PDE4D: variants seen among roughly 807,000 people sequenced by gnomAD.
PDE4D encodes the protein 3',5'-cyclic-AMP phosphodiesterase 4D.
In PDE4D, 24 loss-of-function variants were observed where a neutral mutation model predicts 87.4. The ratio of observed to expected loss-of-function variants is 0.27; its 90% CI spans 0.20 to 0.39. PDE4D has a LOEUF of 0.39. Among genes scored for constraint, PDE4D ranks in the 10% least tolerant of loss-of-function variants. The pLI, the probability that PDE4D is intolerant of heterozygous loss-of-function variation, is 1.00. For synonymous variants in PDE4D, 384 were observed against 383.2 expected, an observed-to-expected ratio of 1.00 and a Z score of -0.02; for missense variants, 714 against 1,041.0, an observed-to-expected ratio of 0.69 and a Z score of 4.32.
chr5:59,028,810 C>G (rs1467709894), intron 6 of PDE4D, among the ~76,000 whole-genome samples: 1 of 152,098 alleles, frequency 6.6e-6, no homozygotes, highest in African/African-American at 2.4e-5. Flanking sequence ...CTAAATTGTT[C>G]TTGCAGCTGA....
chr5:59,642,621 C>T (rs1033420549), intron 1 of PDE4D, among the ~76,000 whole-genome samples: 14 of 152,286 alleles, frequency 9.2e-5, no homozygotes, highest in Middle Eastern at 3.4e-3. Flanking sequence ...TCTTTCACCT[C>T]CCACCATGAT....
At chr5:60,442,301 G>T (rs969105997) in intron 1 of PDE4D, among the ~76,000 whole-genome samples, 5 of 152,168 alleles carry the variant, frequency 3.3e-5, no homozygotes, top group Admixed American at 2.6e-4. Flanking sequence ...GGACACGGAT[G>T]AAGCTGGACA....
intron 5 of PDE4D, among the ~76,000 whole-genome samples, chr5:59,165,247 G>A (rs13358946): frequency 0.011 from 1,688 of 152,210 alleles, 28 homozygotes; most frequent in African/African-American, 0.039. Flanking sequence ...CTTACTGTGA[G>A]CCATGCATTT....
intron 3 of PDE4D, among the ~76,000 whole-genome samples, chr5:59,937,882 T>C (rs1047596383): frequency 2.1e-4 from 32 of 152,222 alleles, no homozygotes. Context: ...GCTGCGATCT[T>C]ATGCTTCCTC....
intron 2 of PDE4D, among the ~76,000 whole-genome samples, chr5:59,992,289 TTGCAC>T (rs1297386680): frequency 6.6e-6 from 1 of 152,174 alleles, no homozygotes; most frequent in Non-Finnish European, 1.5e-5. Flanking sequence ...TTTTGGATCC[TTGCAC>T]TGCCACTTTA....
At chr5:59,394,036 C>G (rs1270271429) in intron 1 of PDE4D, among the ~76,000 whole-genome samples, 1 of 152,150 alleles carries the variant, frequency 6.6e-6, no homozygotes, top group African/African-American at 2.4e-5. Flanking sequence ...ATACTCATTT[C>G]TTTCGATTGA....
At chr5:59,124,635 T>C (rs1280100837) in intron 5 of PDE4D, among the ~76,000 whole-genome samples, 1 of 152,198 alleles carries the variant, frequency 6.6e-6, no homozygotes, top group Non-Finnish European at 1.5e-5. Context: ...AAGAGTAAAA[T>C]GATCCAACAA....
intron 1 of PDE4D, among the ~76,000 whole-genome samples, chr5:59,674,355 T>G (rs1304777876): frequency 6.6e-6 from 1 of 152,140 alleles, no homozygotes; most frequent in African/African-American, 2.4e-5. Flanking sequence ...TCTTTTCATC[T>G]CCATACGCCA....
intron 11 of PDE4D, among the ~76,000 whole-genome samples, chr5:58,986,962 G>GAT (rs5868149): frequency 0.16 from 24,013 of 150,676 alleles, 2,024 homozygotes; most frequent in Admixed American, 0.19. Flanking sequence ...GTTTAAGATA[G>GAT]ATATATATAT....
rs984922603 is a variant in PDE4D at position 58,969,408 on chromosome 5, G to A, written c.*5256C>T. Reference sequence around the variant, plus strand: ...TCACTTTTCCTCAGTTTCTCCAGATGTCTCAAGCTCATTTATGCCTCAAGA... The same window carrying A: ...TCACTTTTCCTCAGTTTCTCCAGATATCTCAAGCTCATTTATGCCTCAAGA... On this transcript the variant is annotated 3_prime_UTR_variant, in exon 15 of 15. Coordinates refer to ENST00000340635, the MANE Select transcript of PDE4D (RefSeq NM_001104631.2). 1 of 152,214 alleles carries A rather than the reference G, an allele frequency of 6.6e-6. No homozygotes were observed. The highest frequency in any genetic ancestry group is 2.4e-5 in the African/African-American group (1 of 41,446). 9.4% of individuals were successfully genotyped at this position (152,214 alleles called of 1,614,324 possible).
At chr5:59,291,262 G>A (rs1180924002) in intron 1 of PDE4D, among the ~76,000 whole-genome samples, 1 of 152,064 alleles carries the variant, frequency 6.6e-6, no homozygotes, top group Admixed American at 6.6e-5. Flanking sequence ...AAAAAAGAAT[G>A]AGGTCCTGTC....
chr5:59,726,148 T>A (rs1191914693), intron 1 of PDE4D, among the ~76,000 whole-genome samples: 2 of 152,158 alleles, frequency 1.3e-5, no homozygotes, highest in African/African-American at 2.4e-5. Context: ...AAATATTAAA[T>A]GCTTCTTTTC....
At chr5:59,440,558 T>A (rs913518960) in intron 1 of PDE4D, among the ~76,000 whole-genome samples, 4 of 152,102 alleles carry the variant, frequency 2.6e-5, no homozygotes, top group Non-Finnish European at 5.9e-5. Flanking sequence ...GGGCAGATCA[T>A]CTGAGGTTGG....
chr5:59,817,752 A>C (rs113615099), intron 1 of PDE4D, among the ~76,000 whole-genome samples: 45,232 of 135,654 alleles, frequency 0.33, 9,842 homozygotes, highest in Non-Finnish European at 0.46. Context: ...ACCCCCCCCC[A>C]CACACACACA....
intron 1 of PDE4D, among the ~76,000 whole-genome samples, chr5:59,734,907 A>C (rs1757872046): frequency 1.3e-5 from 2 of 152,208 alleles, no homozygotes; most frequent in Admixed American, 6.5e-5. Context: ...ATATTCCCAG[A>C]GAGAGCATAT....
intron 1 of PDE4D, among the ~76,000 whole-genome samples, chr5:59,461,296 T>C (rs2153646199): frequency 6.6e-6 from 1 of 152,292 alleles, no homozygotes; most frequent in East Asian, 1.9e-4. Flanking sequence ...TTAGAAATAG[T>C]TATCTAAGAG....
chr5:59,531,983 A>C (rs1814315703), intron 1 of PDE4D, among the ~76,000 whole-genome samples: 1 of 152,214 alleles, frequency 6.6e-6, no homozygotes, highest in African/African-American at 2.4e-5. Flanking sequence ...ATTCACTGTT[A>C]TATTCCTAGC....
chr5:60,138,856 T>C (rs1409434116), intron 2 of PDE4D, among the ~76,000 whole-genome samples: 4 of 152,162 alleles, frequency 2.6e-5, no homozygotes, highest in Non-Finnish European at 4.4e-5. Context: ...AATATTGGTA[T>C]CTACATTCAC....
At chr5:59,820,266 T>C (rs1371596821) in intron 1 of PDE4D, among the ~76,000 whole-genome samples, 2 of 152,238 alleles carry the variant, frequency 1.3e-5, no homozygotes, top group Non-Finnish European at 2.9e-5. Context: ...TCCTGTTGTT[T>C]ATCTTTTCAT....
Sources: gnomAD v4.1 joint callset for allele counts (sites outside exome capture counted in the v4.1 genomes callset) on GRCh38, gnomAD v4.1.1 for gene constraint, MANE v1.5 for transcripts, NCBI Gene and HGNC (gene_info 2026-07-23, HGNC 2026-07-21) for gene names.